ITGAM: variants seen among roughly 807,000 people sequenced by gnomAD.
ITGAM encodes integrin subunit alpha M.
A neutral mutation model predicts 137.5 loss-of-function variants in ITGAM; 79 were observed. The ratio of observed to expected loss-of-function variants is 0.57; its 90% CI spans 0.48 to 0.69. The LOEUF (loss-of-function observed/expected upper bound fraction) is 0.69. Among genes scored for constraint, ITGAM ranks in the 30% least tolerant of loss-of-function variants. The pLI is 0.00. For synonymous variants in ITGAM, 583 were observed against 592.3 expected (o/e 0.98, Z 0.23); for missense variants, 1,343 against 1,483.5 (o/e 0.91, Z 1.56).
intron 12 of ITGAM, among the ~76,000 whole-genome samples, chr16:31,292,875 T>C (rs2080100365): frequency 6.6e-6 from 1 of 152,132 alleles, no homozygotes; most frequent in Non-Finnish European, 1.5e-5. Flanking sequence ...AATTTACCAC[T>C]CCCACCAACA....
intron 14 of ITGAM, among the ~76,000 whole-genome samples, chr16:31,308,553 T>G (rs1183190641): frequency 2.0e-5 from 3 of 152,182 alleles, no homozygotes; most frequent in Non-Finnish European, 4.4e-5. Flanking sequence ...TCTTCTTTAT[T>G]AGTCTTGCTA....
At chr16:31,308,506 C>T (rs1390116636) in intron 14 of ITGAM, among the ~76,000 whole-genome samples, 1 of 152,108 alleles carries the variant, frequency 6.6e-6, no homozygotes, top group East Asian at 1.9e-4. Flanking sequence ...TCCCCTTTGT[C>T]ATTTTTGTAT....
chr16:31,325,640 C>T lies in ITGAM; in HGVS notation c.2628+18C>T, dbSNP rs1279712815. 6 of 1,605,880 alleles carry T rather than the reference C, an allele frequency of 3.7e-6. No homozygotes were observed. Among genetic ancestry groups the T allele is most frequent in the Non-Finnish European group, 5.1e-6 (6 of 1,177,598 alleles). ...ACTCAGAGGTCAGAACTCCTGGCTC[C>T]TCCCCTCCTTTTCTCTTTGATTTCT... is the stretch of plus-strand genomic sequence containing the variant. On this transcript the variant is annotated intron_variant, in intron 21 of 29. Transcript: ENST00000544665.
chr16:31,271,161 C>A, intron 6 of ITGAM, 77 bp downstream of exon 6: 1 of 1,248,352 alleles, frequency 8.0e-7, no homozygotes. Context: ...ACCATGTTCT[C>A]CTCCCAGTTC....
chr16:31,331,527 C>T (rs74506335), intron 29 of ITGAM, 109 bp from the exon 30 acceptor site: 3 of 647,050 alleles, frequency 4.6e-6, no homozygotes, highest in Middle Eastern at 4.2e-4. Flanking sequence ...CCGCCCCGCC[C>T]TCCTGGGTCC....
chr16:31,317,030 T>C (rs917653726), intron 14 of ITGAM, among the ~76,000 whole-genome samples: 8 of 152,182 alleles, frequency 5.3e-5, no homozygotes, highest in African/African-American at 1.9e-4. Flanking sequence ...TATAAGATCA[T>C]GTCAATTGCA....
chr16:31,278,309 CT>C (rs1287376316), intron 12 of ITGAM, among the ~76,000 whole-genome samples, 200 bp downstream of exon 12: 1 of 152,154 alleles, frequency 6.6e-6, no homozygotes, highest in Non-Finnish European at 1.5e-5. Flanking sequence ...AATAACAATG[CT>C]TGCCTGTACA....
chr16:31,270,742 T>TATATATATATATA (rs1343169219), intron 5 of ITGAM, among the ~76,000 whole-genome samples: 78 of 109,892 alleles, frequency 7.1e-4, no homozygotes, highest in African/African-American at 3.0e-3. Context: ...TATATATATA[T>TATATATATATATA]ATGTTTTTAA....
intron 14 of ITGAM, among the ~76,000 whole-genome samples, chr16:31,311,212 A>G (rs559917177): frequency 2.9e-3 from 439 of 152,336 alleles, no homozygotes; most frequent in African/African-American, 0.01. Context: ...ACCATTGAGG[A>G]CATAGGCATG....
intron 14 of ITGAM, among the ~76,000 whole-genome samples, chr16:31,313,796 A>G (rs2080361112): frequency 6.6e-6 from 1 of 152,196 alleles, no homozygotes; most frequent in South Asian, 2.1e-4. Flanking sequence ...TCCTTGAGGA[A>G]TCGCCACACT....
chr16:31,290,539 A>G (rs2080076952), intron 12 of ITGAM, among the ~76,000 whole-genome samples: 1 of 152,216 alleles, frequency 6.6e-6, no homozygotes, highest in South Asian at 2.1e-4. Flanking sequence ...ACATCGTTTC[A>G]TGATTAAAAA....
At chr16:31,266,558 CA>C (rs1298506998) in intron 5 of ITGAM, among the ~76,000 whole-genome samples, 446 of 113,434 alleles carry the variant, frequency 3.9e-3, no homozygotes, top group Admixed American at 5.3e-3. Context: ...CCCGTCTCTA[CA>C]AAAAAAAAAA....
chr16:31,328,001 G>A (rs1368794403), intron 22 of ITGAM, 146 bp from the exon 23 acceptor site: 6 of 666,232 alleles, frequency 9.0e-6, no homozygotes, highest in Non-Finnish European at 1.6e-5. Context: ...GGCTAGGCGG[G>A]GGCAGGGGTT....
intron 8 of ITGAM, among the ~76,000 whole-genome samples, chr16:31,275,217 T>TCAC (rs2079893284): frequency 6.6e-6 from 1 of 152,008 alleles, no homozygotes; most frequent in Non-Finnish European, 1.5e-5. Context: ...GAAAGCGATA[T>TCAC]CACCATGGAT....
chr16:31,291,536 C>A (rs966109323), intron 12 of ITGAM, among the ~76,000 whole-genome samples: 1 of 152,076 alleles, frequency 6.6e-6, no homozygotes, highest in Non-Finnish European at 1.5e-5. Flanking sequence ...GCCCTTTTAA[C>A]TGGAATGAGA....
At chr16:31,270,017 A>T (rs147847350) in intron 5 of ITGAM, among the ~76,000 whole-genome samples, 183 of 152,292 alleles carry the variant, frequency 1.2e-3, no homozygotes, top group Admixed American at 4.4e-3. Flanking sequence ...GGGATGGGGC[A>T]GAAGGCAGAG....
chr16:31,265,302 G>T, intron 2 of ITGAM, 93 bp from the exon 3 acceptor site: 1 of 563,580 alleles, frequency 1.8e-6, no homozygotes. Flanking sequence ...CCGGGTATGG[G>T]CCCCCACCGT....
chr16:31,305,781 A>G (rs1197101384), intron 14 of ITGAM, among the ~76,000 whole-genome samples: 1 of 152,156 alleles, frequency 6.6e-6, no homozygotes, highest in Non-Finnish European at 1.5e-5. Flanking sequence ...ACTTGCATAT[A>G]TTAAACCATT....
At chr16:31,278,966 C>T (rs1462502441) in intron 12 of ITGAM, among the ~76,000 whole-genome samples, 1 of 152,180 alleles carries the variant, frequency 6.6e-6, no homozygotes, top group African/African-American at 2.4e-5. Context: ...CAATTCCCAC[C>T]TATGAGTGAG....
Sources: gnomAD v4.1 joint callset for allele counts (sites outside exome capture counted in the v4.1 genomes callset) on GRCh38, gnomAD v4.1.1 for gene constraint, MANE v1.5 for transcripts, NCBI Gene and HGNC (gene_info 2026-07-23, HGNC 2026-07-21) for gene names.